The following EYS variants were observed in gnomAD, a reference collection of about 807,000 sequenced individuals.
EYS encodes protein eyes shut homolog.
In EYS, 250 loss-of-function variants were observed where a neutral mutation model predicts 282.1. The observed-to-expected ratio is 0.89, with a 90% CI of 0.80 to 0.98. The LOEUF (loss-of-function observed/expected upper bound fraction) is 0.98. EYS is among the 50% of genes least tolerant of loss of function. EYS has a pLI of 0.00. For synonymous variants in EYS, 1,355 were observed against 1,282.9 expected, an observed-to-expected ratio of 1.06 and a Z score of -1.20; for missense variants, 4,016 against 3,709.0, an observed-to-expected ratio of 1.08 and a Z score of -2.15.
chr6:64,783,678 C>G (rs1052915832), intron 22 of EYS, among the ~76,000 whole-genome samples: 63 of 152,196 alleles, frequency 4.1e-4, no homozygotes, highest in African/African-American at 1.4e-3. Flanking sequence ...TAAAAATACA[C>G]ATGTATAGTC....
intron 10 of EYS, among the ~76,000 whole-genome samples, chr6:65,340,877 C>T (rs1345640107): frequency 6.6e-6 from 1 of 151,024 alleles, no homozygotes; most frequent in African/African-American, 2.4e-5. Flanking sequence ...CCCTCACTCT[C>T]AAGGCTGGAT....
At chr6:63,798,357 T>C (rs140240670) in intron 37 of EYS, among the ~76,000 whole-genome samples, 1,796 of 152,364 alleles carry the variant, frequency 0.012, 17 homozygotes, top group Middle Eastern at 0.041. Flanking sequence ...TAGTACAGGA[T>C]ATTTGATTCC....
At chr6:64,185,607 A>G (rs929200130) in intron 31 of EYS, among the ~76,000 whole-genome samples, 2 of 152,180 alleles carry the variant, frequency 1.3e-5, no homozygotes, top group African/African-American at 4.8e-5. Context: ...AAGTTTATAG[A>G]AATCTAAAAT....
At chr6:65,613,253 A>G (rs936937765) in intron 2 of EYS, among the ~76,000 whole-genome samples, 1 of 151,908 alleles carries the variant, frequency 6.6e-6, no homozygotes, top group African/African-American at 2.4e-5. Context: ...ATAGATGTTC[A>G]GAATATTGGT....
chr6:64,595,424 A>G (rs1329738558), intron 24 of EYS, among the ~76,000 whole-genome samples: 1 of 152,158 alleles, frequency 6.6e-6, no homozygotes, highest in African/African-American at 2.4e-5. Flanking sequence ...ATTGTCCCGG[A>G]AGTGCCAACA....
At chr6:63,912,613 T>C (rs1290639150) in intron 35 of EYS, among the ~76,000 whole-genome samples, 1 of 152,164 alleles carries the variant, frequency 6.6e-6, no homozygotes, top group Non-Finnish European at 1.5e-5. Flanking sequence ...CCAAAATCTC[T>C]TATGTTGAAA....
At chr6:65,233,402 T>C (rs1156661448) in intron 12 of EYS, among the ~76,000 whole-genome samples, 1 of 152,170 alleles carries the variant, frequency 6.6e-6, no homozygotes, top group Non-Finnish European at 1.5e-5. Flanking sequence ...GTGAGGGATA[T>C]TTTCCTTGCA....
At chr6:64,832,484 C>T (rs1765254213) in intron 19 of EYS, among the ~76,000 whole-genome samples, 1 of 151,698 alleles carries the variant, frequency 6.6e-6, no homozygotes, top group Non-Finnish European at 1.5e-5. Context: ...TAAAATTTCA[C>T]TTATGCAAGA....
intron 12 of EYS, among the ~76,000 whole-genome samples, chr6:65,163,243 A>G (rs1487619404): frequency 6.6e-6 from 1 of 151,236 alleles, no homozygotes. Flanking sequence ...ATTCATTTTC[A>G]TAACAGATAC....
intron 12 of EYS, among the ~76,000 whole-genome samples, chr6:65,120,146 C>A (rs1486598160): frequency 1.3e-4 from 12 of 90,172 alleles, no homozygotes; most frequent in African/African-American, 4.8e-4. Context: ...AGCGAGACTC[C>A]GTCTCAAAAA....
intron 13 of EYS, among the ~76,000 whole-genome samples, chr6:65,001,726 C>G (rs1771473575): frequency 1.4e-5 from 2 of 147,686 alleles, no homozygotes; most frequent in African/African-American, 4.9e-5. Context: ...AGTTTAGCTT[C>G]CCAAACCATT....
At chr6:65,529,109 T>C (rs896109871) in intron 2 of EYS, among the ~76,000 whole-genome samples, 8 of 152,262 alleles carry the variant, frequency 5.3e-5, no homozygotes, top group Non-Finnish European at 1.0e-4. Flanking sequence ...TGATTAGGCT[T>C]TAGATTTCCT....
At chr6:64,157,653 C>A (rs1261515791) in intron 31 of EYS, among the ~76,000 whole-genome samples, 1 of 152,186 alleles carries the variant, frequency 6.6e-6, no homozygotes, top group East Asian at 1.9e-4. Flanking sequence ...TAACATAGAG[C>A]TTGGGCCATG....
intron 28 of EYS, among the ~76,000 whole-genome samples, chr6:64,397,281 T>G (rs537227599): frequency 6.6e-6 from 1 of 152,128 alleles, no homozygotes; most frequent in Admixed American, 6.6e-5. Flanking sequence ...GATAGACCTT[T>G]CAATTTCAAT....
intron 11 of EYS, among the ~76,000 whole-genome samples, chr6:65,314,723 G>C (rs1769255070): frequency 6.6e-6 from 1 of 151,674 alleles, no homozygotes; most frequent in African/African-American, 2.4e-5. Context: ...AGTACCCAAG[G>C]ATGGGACATA....
intron 12 of EYS, among the ~76,000 whole-genome samples, chr6:65,198,035 C>T (rs1765811125): frequency 6.6e-6 from 1 of 152,082 alleles, no homozygotes; most frequent in Non-Finnish European, 1.5e-5. Flanking sequence ...CAGCTTAAAA[C>T]ACAAGCACAT....
chr6:63,999,014 A>C lies in EYS; in HGVS notation c.6834+61T>G, dbSNP rs66502009. Reference sequence around the variant, plus strand: ...TGATTACTGCTTAGTAACATAAAAAATACTTATCTGAAATACTGAGGGCAC... The same window carrying C: ...TGATTACTGCTTAGTAACATAAAAACTACTTATCTGAAATACTGAGGGCAC... On this transcript the variant is annotated intron_variant, in intron 34 of 42. Coordinates refer to ENST00000503581, the MANE Select transcript of EYS (RefSeq NM_001142800.2). 0.36 allele frequency: 374,387 copies of C among 1,027,904 alleles called. 71,488 individuals are homozygous for C. Among genetic ancestry groups the C allele is most frequent in the South Asian group, 0.42 (30,573 of 72,160 alleles). 63.7% of individuals were successfully genotyped at this position (1,027,904 alleles called of 1,614,324 possible).
chr6:63,777,797 T>G, intron 40 of EYS: 1 of 498,036 alleles, frequency 2.0e-6, no homozygotes, highest in Non-Finnish European at 3.6e-6. Flanking sequence ...TGTCATTGTT[T>G]CACAGAACTA....
intron 13 of EYS, among the ~76,000 whole-genome samples, chr6:65,011,864 C>A (rs533870575): frequency 6.6e-6 from 1 of 152,190 alleles, no homozygotes; most frequent in Non-Finnish European, 1.5e-5. Context: ...GGACAATGAT[C>A]GGGATATAAA....
Sources: gnomAD v4.1 joint callset for allele counts (sites outside exome capture counted in the v4.1 genomes callset) on GRCh38, gnomAD v4.1.1 for gene constraint, MANE v1.5 for transcripts, NCBI Gene and HGNC (gene_info 2026-07-23, HGNC 2026-07-21) for gene names.